Variants in CYP3A43 observed in about 807,000 individuals in gnomAD.
CYP3A43 encodes cytochrome P450 family 3 subfamily A member 43.
In CYP3A43, 45 loss-of-function variants were observed where a neutral mutation model predicts 58.0. The observed-to-expected ratio is 0.78, with a 90% confidence interval of 0.61 to 0.99. The LOEUF (loss-of-function observed/expected upper bound fraction) is 0.99. Among genes scored for constraint, CYP3A43 ranks in the 50% least tolerant of loss-of-function variants. CYP3A43 has a pLI of 0.00. For synonymous variants in CYP3A43, 191 were observed against 201.4 expected (o/e 0.95, Z 0.44); for missense variants, 593 against 591.9 (o/e 1.00, Z -0.02).
At chr7:99,835,129 C>T (rs1817018958) in intron 1 of CYP3A43, among the ~76,000 whole-genome samples, 1 of 152,186 alleles carries the variant, frequency 6.6e-6, no homozygotes, top group Admixed American at 6.5e-5. Context: ...AAGGCCTGCT[C>T]CTTGCCTATC....
intron 3 of CYP3A43, among the ~76,000 whole-genome samples, chr7:99,843,223 CCTT>C (rs1193183018): frequency 3.9e-5 from 6 of 152,154 alleles, no homozygotes; most frequent in East Asian, 3.9e-4. Flanking sequence ...TACACACTCT[CCTT>C]CTTCTCTCTC....
chr7:99,839,891 T>C (rs973304342), intron 3 of CYP3A43, among the ~76,000 whole-genome samples: 5 of 152,172 alleles, frequency 3.3e-5, no homozygotes, highest in African/African-American at 1.2e-4. Flanking sequence ...TGTGAAGAAG[T>C]TGGCTGCCCC....
intron 4 of CYP3A43, among the ~76,000 whole-genome samples, chr7:99,846,122 C>T (rs181630632): frequency 6.6e-6 from 1 of 152,168 alleles, no homozygotes; most frequent in African/African-American, 2.4e-5. Context: ...TCAATGTCTA[C>T]AAACAAACCT....
chr7:99,862,049 G>A lies in CYP3A43; in HGVS notation c.1253+210G>A, dbSNP rs559366498. Among the ~76,000 whole-genome samples, 19 of 144,492 alleles carry A rather than the reference G, an allele frequency of 1.3e-4. No individual in the cohort carries two copies. The South Asian group carries it at 4.0e-3, about 30-fold the overall frequency. The allele number at this position is 144,492 out of a possible 152,430, so 94.8% of individuals were successfully genotyped here. On this transcript the variant is annotated intron_variant, in intron 11 of 12. Coordinates refer to ENST00000354829, the MANE Select transcript of CYP3A43 (RefSeq NM_057095.3). ...TTAACTATGTAATGCCTGTCTTGTA[G>A]GCATTTTTCTATGCATAGACATTTT...
At position 99,838,973 on chromosome 7, in the gene CYP3A43, A is replaced by G. The variant is rs1430821203; in HGVS notation, c.166-147A>G. 69 of 771,352 alleles carry G rather than the reference A, an allele frequency of 8.9e-5. No homozygotes were observed. The East Asian group carries it at 2.2e-3, about 25-fold the overall frequency. 47.8% of individuals were successfully genotyped at this position (771,352 alleles called of 1,614,324 possible). ...CCAGCCTGGGCAGCAGAAAAAAAGG[A>G]AAAAAAAAAGATTCCCTCTAACTGC... On this transcript the variant is annotated intron_variant, in intron 2 of 12. Coordinates refer to ENST00000354829, the MANE Select transcript of CYP3A43 (RefSeq NM_057095.3).
chr7:99,859,876 T>C lies in CYP3A43; in HGVS notation c.912T>C (p.Phe304=), dbSNP rs200822471. The C allele has an allele frequency of 6.2e-7, 1 of 1,614,188 alleles. No homozygotes were observed. ...TGGCCCAGTCAATTATCATCATTTTTGCTGCCTATGACACAACTAGCACCA... is the reference window on the plus strand; with the variant it reads ...TGGCCCAGTCAATTATCATCATTTTCGCTGCCTATGACACAACTAGCACCA... ...ELVAQSIIII[F]AAYDTTSTTL... Residue 304 remains phenylalanine, a synonymous_variant, in exon 10 of 13, where the codon TTT becomes TTC. Coordinates refer to ENST00000354829, the MANE Select transcript of CYP3A43 (RefSeq NM_057095.3).
chr7:99,852,745 C>T (rs1817811400), intron 7 of CYP3A43, among the ~76,000 whole-genome samples: 1 of 152,108 alleles, frequency 6.6e-6, no homozygotes, highest in South Asian at 2.1e-4. Flanking sequence ...GGGAAAGGTA[C>T]TAAGTATGGT....
chr7:99,859,777 T>A, intron 9 of CYP3A43, 53 bp from the exon 10 acceptor site: 3 of 1,604,980 alleles, frequency 1.9e-6, no homozygotes, highest in South Asian at 2.2e-5. Flanking sequence ...TCATCTAAAC[T>A]GTGATGCTCT....
intron 4 of CYP3A43, among the ~76,000 whole-genome samples, chr7:99,845,220 C>T (rs1817499556): frequency 6.6e-6 from 1 of 152,162 alleles, no homozygotes; most frequent in African/African-American, 2.4e-5. Flanking sequence ...ATTTTTCCAA[C>T]ACCATTTTTG....
intron 7 of CYP3A43, among the ~76,000 whole-genome samples, chr7:99,853,054 T>C (rs1002445088): frequency 6.6e-6 from 1 of 152,242 alleles, no homozygotes; most frequent in Non-Finnish European, 1.5e-5. Flanking sequence ...TAGTCTGTAG[T>C]TTCTTTATCC....
At chr7:99,855,993 T>G (rs1249526314) in intron 8 of CYP3A43, among the ~76,000 whole-genome samples, 1 of 152,238 alleles carries the variant, frequency 6.6e-6, no homozygotes, top group Non-Finnish European at 1.5e-5. Flanking sequence ...TCTCTTCCTT[T>G]CAGTAAATTG....
At chr7:99,845,624 C>T (rs184050262) in intron 4 of CYP3A43, among the ~76,000 whole-genome samples, 2 of 151,796 alleles carry the variant, frequency 1.3e-5, no homozygotes, top group Admixed American at 1.3e-4. Context: ...ACCTAACCTG[C>T]GCATCTGTTT....
rs896254734 is a variant in CYP3A43 at position 99,831,956 on chromosome 7, C to T, written c.71+3770C>T. 5.6e-4 allele frequency among the ~76,000 whole-genome samples: 85 copies of T among 152,246 alleles called. 1 individual carries two copies. The highest frequency in any genetic ancestry group is 1.0e-3 in the Admixed American group (16 of 15,288). ...AGTTTATATCAATCAAATCATCTGA[C>T]CACAGAGATTTGGGTGTAGCTGGAA... On this transcript the variant is annotated intron_variant, in intron 1 of 12. Transcript: ENST00000354829.
At chr7:99,854,994 C>T (rs377296395) in intron 7 of CYP3A43, among the ~76,000 whole-genome samples, 2 of 151,976 alleles carry the variant, frequency 1.3e-5, no homozygotes, top group African/African-American at 2.4e-5. Context: ...AAGCGATTCT[C>T]ATGACTGGGT....
intron 4 of CYP3A43, among the ~76,000 whole-genome samples, chr7:99,846,568 C>T (rs1381904450): frequency 6.6e-6 from 1 of 152,060 alleles, no homozygotes; most frequent in Admixed American, 6.5e-5. Flanking sequence ...ATCTGTATGC[C>T]TTTAATTTTT....
intron 2 of CYP3A43, chr7:99,838,551 T>G: frequency 4.9e-6 from 3 of 617,270 alleles, no homozygotes; most frequent in Non-Finnish European, 7.0e-6. Flanking sequence ...AGAAAGACAA[T>G]GAGTTGCTTA....
intron 4 of CYP3A43, among the ~76,000 whole-genome samples, chr7:99,845,154 TG>T (rs1479896694): frequency 6.6e-6 from 1 of 152,192 alleles, no homozygotes; most frequent in African/African-American, 2.4e-5. Context: ...CTTAATTTTT[TG>T]CATAAGATGT....
At chr7:99,856,090 C>T (rs2151619110) in intron 8 of CYP3A43, among the ~76,000 whole-genome samples, 1 of 152,158 alleles carries the variant, frequency 6.6e-6, no homozygotes, top group Middle Eastern at 3.4e-3. Flanking sequence ...TTACAATTTC[C>T]CTAGTTCTTA....
At chr7:99,848,335 G>A in intron 6 of CYP3A43, 81 bp downstream of exon 6, 4 of 1,431,668 alleles carry the variant, frequency 2.8e-6, no homozygotes, top group Non-Finnish European at 3.9e-6. Context: ...CCCACTGTTG[G>A]GTTACTCCAG....
Sources: allele counts gnomAD v4.1 joint callset (sites outside exome capture counted in the v4.1 genomes callset), GRCh38; gene constraint gnomAD v4.1.1; transcripts MANE v1.5; gene names NCBI Gene and HGNC (gene_info 2026-07-23, HGNC 2026-07-21).